CAPZA2: variants seen among roughly 807,000 people sequenced by gnomAD.
CAPZA2 encodes capping actin protein of muscle Z-line subunit alpha 2, also known as F-actin-capping protein subunit alpha-2.
Under a neutral mutation model 44.0 loss-of-function variants are expected in CAPZA2, and 13 were observed. The observed-to-expected ratio is 0.30, with a 90% confidence interval of 0.19 to 0.47. The LOEUF is 0.47. CAPZA2 is among the 20% of genes least tolerant of loss of function. The pLI is 1.00. For missense variants in CAPZA2, 244 were observed against 338.6 expected, an observed-to-expected ratio of 0.72 and a Z score of 2.19; for synonymous variants, 94 against 108.2, an observed-to-expected ratio of 0.87 and a Z score of 0.81.
At chr7:116,887,020 A>G (rs1223824625) in intron 1 of CAPZA2, among the ~76,000 whole-genome samples, 2 of 152,212 alleles carry the variant, frequency 1.3e-5, no homozygotes, top group Non-Finnish European at 2.9e-5. Flanking sequence ...AGATTTCCTA[A>G]GATCTGGTCA....
At chr7:116,871,285 C>T (rs572583836) in intron 1 of CAPZA2, among the ~76,000 whole-genome samples, 35 of 152,080 alleles carry the variant, frequency 2.3e-4, no homozygotes, top group African/African-American at 4.8e-4. Context: ...CAGAATGTGA[C>T]GAGAATTTCA....
chr7:116,893,887 T>C (rs1388758409), intron 3 of CAPZA2, among the ~76,000 whole-genome samples: 1 of 152,230 alleles, frequency 6.6e-6, no homozygotes, highest in East Asian at 1.9e-4. Flanking sequence ...TCCTGCAATT[T>C]CAGAGAAATA....
Position 116,871,987 on chromosome 7 carries a change from TTTGTTGTTG to T in CAPZA2, c.39+9352_39+9360del, listed in dbSNP as rs374485260. 4.3e-3 allele frequency among the ~76,000 whole-genome samples: 657 copies of T among 152,126 alleles called. 3 individuals are homozygous for T. Among genetic ancestry groups the T allele is most frequent in the African/African-American group, 0.014 (599 of 41,492 alleles). ...AGGCCTGGAGTGTCTGTAATTCCTT[TTTGTTGTTG>T]TTGTTGTTGTTGTTTTAAAGCTTCC... On this transcript the variant is annotated intron_variant, in intron 1 of 9. Coordinates refer to ENST00000361183, the MANE Select transcript of CAPZA2 (RefSeq NM_006136.3).
In CAPZA2 at chr7:116,921,507, A is replaced by T. The variant is rs1208790434; in HGVS notation, c.*3640A>T. Reference sequence around the variant, plus strand: ...AGACCAGTCTGGCTAATATGATGAAACCCCTTCTGTATTAAAAATACAAAT... The same window carrying T: ...AGACCAGTCTGGCTAATATGATGAATCCCCTTCTGTATTAAAAATACAAAT... On this transcript the variant is annotated 3_prime_UTR_variant, in exon 10 of 10. Coordinates refer to ENST00000361183, the MANE Select transcript of CAPZA2 (RefSeq NM_006136.3). The T allele has an allele frequency of 6.7e-6, 1 of 150,000 alleles. No individual in the cohort carries two copies. Among genetic ancestry groups the T allele is most frequent in the Non-Finnish European group, 1.5e-5 (1 of 67,740 alleles). The allele number at this position is 150,000 out of a possible 1,614,324, so 9.3% of individuals were successfully genotyped here. A position where few individuals can be genotyped will look rare whatever the true frequency, so the allele number is the denominator to read the frequency against.
In CAPZA2 at chr7:116,916,159, A is replaced by G. The variant is rs760986684; in HGVS notation, c.720+37A>G. The G allele has an allele frequency of 2.0e-6, 3 of 1,475,936 alleles. No individual in the cohort carries two copies. The African/African-American group carries it at 4.4e-5, about 22-fold the overall frequency. The allele number at this position is 1,475,936 out of a possible 1,614,324, so 91.4% of individuals were successfully genotyped here. On this transcript the variant is annotated intron_variant, in intron 9 of 9. Transcript: ENST00000361183. ...TAAATATTATATAAGCTACACTCAC[A>G]TATGAATTAATGTCACTGAAATTTT... is the stretch of plus-strand genomic sequence containing the variant.
intron 1 of CAPZA2, among the ~76,000 whole-genome samples, chr7:116,865,250 A>T (rs568101052): frequency 7.5e-6 from 1 of 133,302 alleles, no homozygotes; most frequent in African/African-American, 2.9e-5. Context: ...CAGTGGTGCA[A>T]TCTTGGCTCA....
chr7:116,880,237 G>C lies in CAPZA2; in HGVS notation c.40-7890G>C, dbSNP rs1000939298. 7 of 356,228 alleles carry C rather than the reference G, an allele frequency of 2.0e-5. No homozygotes were observed. The Admixed American group carries it at 2.4e-4, about 12-fold the overall frequency. 22.1% of individuals were successfully genotyped at this position (356,228 alleles called of 1,614,324 possible). A position where few individuals can be genotyped will look rare whatever the true frequency, so the allele number is the denominator to read the frequency against. On this transcript the variant is annotated intron_variant, in intron 1 of 9. Coordinates refer to ENST00000361183, the MANE Select transcript of CAPZA2 (RefSeq NM_006136.3). ...GTCTAAACTAGAACAGTTTATTTTT[G>C]AGTTTCAAAAATCATGAGTTGGTTC... is the stretch of plus-strand genomic sequence containing the variant.
intron 4 of CAPZA2, among the ~76,000 whole-genome samples, chr7:116,903,508 G>A (rs889009463): frequency 6.6e-6 from 1 of 152,088 alleles, no homozygotes; most frequent in Non-Finnish European, 1.5e-5. Flanking sequence ...TCCCGACATA[G>A]CTAAGGAGTC....
intron 5 of CAPZA2, among the ~76,000 whole-genome samples, chr7:116,905,610 A>G (rs1205884322): frequency 6.6e-6 from 1 of 152,206 alleles, no homozygotes; most frequent in African/African-American, 2.4e-5. Context: ...ATAACCTCAA[A>G]TATCTTATGT....
chr7:116,889,376 T>C (rs1406455726), intron 2 of CAPZA2, among the ~76,000 whole-genome samples: 1 of 152,210 alleles, frequency 6.6e-6, no homozygotes, highest in Non-Finnish European at 1.5e-5. Flanking sequence ...TTCTACTCCA[T>C]AGTAAACTAG....
Position 116,917,822 on chromosome 7 carries a change from C to T in CAPZA2, c.816C>T (p.Asn272=). 1 of 1,612,510 alleles carries T rather than the reference C, an allele frequency of 6.2e-7. No homozygotes were observed. The highest frequency in any genetic ancestry group is 8.5e-7 in the Non-Finnish European group (1 of 1,178,518). Residue 272 remains asparagine, a synonymous_variant, in exon 10 of 10, where the codon AAC becomes AAT. Transcript: ENST00000361183. The stretch of plus-strand genomic sequence containing the variant: ...TTACACGCACTAAGATTGATTGGAA[C>T]AAGATCCTTAGCTACAAGATTGGCA... ...LPVTRTKIDW[N]KILSYKIGKE...
chr7:116,881,276 C>G (rs1176116147), intron 1 of CAPZA2, among the ~76,000 whole-genome samples: 1 of 152,102 alleles, frequency 6.6e-6, no homozygotes, highest in South Asian at 2.1e-4. Context: ...TATCGCACAT[C>G]AGACACAAAA....
At chr7:116,890,393 G>A (rs1323453400) in intron 2 of CAPZA2, among the ~76,000 whole-genome samples, 1 of 150,512 alleles carries the variant, frequency 6.6e-6, no homozygotes, top group Non-Finnish European at 1.5e-5. Context: ...ATAAAAGGGT[G>A]GGCATGGTGG....
In CAPZA2 at chr7:116,871,427, A is replaced by G. The variant is rs576772469; in HGVS notation, c.39+8777A>G. Among the ~76,000 whole-genome samples, 4 of 152,310 alleles carry G rather than the reference A, an allele frequency of 2.6e-5. 1 individual carries two copies. In the South Asian group the frequency reaches 8.3e-4, roughly 32 times the overall value. ...AGGGACTTTAACATGTATTCTCTCT[A>G]TTAATTGTCAGAATAACCTTGTTAT... On this transcript the variant is annotated intron_variant, in intron 1 of 9. Transcript: ENST00000361183.
chr7:116,880,187 CT>C, intron 1 of CAPZA2: 1 of 444,594 alleles, frequency 2.2e-6, no homozygotes, highest in East Asian at 7.0e-5. Context: ...CAAAAAAGTA[CT>C]CATTTGTCTT....
At chr7:116,916,562 G>A (rs1484721472) in intron 9 of CAPZA2, among the ~76,000 whole-genome samples, 2 of 152,060 alleles carry the variant, frequency 1.3e-5, no homozygotes, top group Admixed American at 1.3e-4. Context: ...AGAGGCAGAG[G>A]TTGCAGTGAG....
At chr7:116,909,915 T>G (rs1239686653) in intron 6 of CAPZA2, 5 of 270,696 alleles carry the variant, frequency 1.8e-5, no homozygotes, top group Non-Finnish European at 3.6e-5. Context: ...AAGAAACCTG[T>G]AACTGATTGT....
intron 9 of CAPZA2, among the ~76,000 whole-genome samples, chr7:116,916,568 G>A (rs1202138557): frequency 6.6e-6 from 1 of 152,090 alleles, no homozygotes; most frequent in African/African-American, 2.4e-5. Context: ...AGAGGTTGCA[G>A]TGAGCTGAGA....
intron 4 of CAPZA2, among the ~76,000 whole-genome samples, chr7:116,901,554 A>G (rs771818141): frequency 6.6e-6 from 1 of 152,076 alleles, no homozygotes; most frequent in East Asian, 1.9e-4. Context: ...AAAAATAACT[A>G]ATGGGTACTA....
Sources: gnomAD v4.1 joint callset for allele counts (sites outside exome capture counted in the v4.1 genomes callset) on GRCh38, gnomAD v4.1.1 for gene constraint, MANE v1.5 for transcripts, NCBI Gene and HGNC (gene_info 2026-07-23, HGNC 2026-07-21) for gene names.